The following PDGFRB variants were observed in gnomAD, a reference collection of about 807,000 sequenced individuals.
The protein encoded by PDGFRB is platelet-derived growth factor receptor beta.
A neutral mutation model predicts 120.2 loss-of-function variants in PDGFRB; 42 were observed. The ratio of observed to expected loss-of-function variants is 0.35; its 90% CI spans 0.27 to 0.45. PDGFRB has a LOEUF of 0.45. Ranked by LOEUF, PDGFRB falls within the 20% of genes least tolerant of loss-of-function variation. The pLI, the probability that PDGFRB is intolerant of heterozygous loss-of-function variation, is 1.00. For synonymous variants in PDGFRB, 586 were observed against 606.8 expected, an observed-to-expected ratio of 0.97 and a Z score of 0.50; for missense variants, 1,149 against 1,476.3, an observed-to-expected ratio of 0.78 and a Z score of 3.63.
chr5:150,131,999 G>C lies in PDGFRB; in HGVS notation c.1223C>G (p.Ser408Cys), dbSNP rs200203294. Residue 408 changes from serine to cysteine, a missense_variant, in exon 8 of 23, where the codon TCC (serine) becomes TGC (cysteine). Physicochemically the swap from Ser to Cys is moderately radical, Grantham distance 112 (BLOSUM62 -1). Coordinates refer to ENST00000261799, the MANE Select transcript of PDGFRB (RefSeq NM_002609.4). Reference sequence around the variant, plus strand: ...ATCACCATTGATCTGTAGCTGGAAGGAGAGCTGGACCTCAGCATCCTCATG... The same window carrying C: ...ATCACCATTGATCTGTAGCTGGAAGCAGAGCTGGACCTCAGCATCCTCATG... ...AFHEDAEVQL[S>C]FQLQINVPVR... 726 of 1,591,560 alleles carry C rather than the reference G, an allele frequency of 4.6e-4. 3 individuals carry two copies. Among genetic ancestry groups the C allele is most frequent in the South Asian group, 3.7e-3 (338 of 90,522 alleles).
chr5:150,144,650 C>T (rs2113924670), intron 1 of PDGFRB, among the ~76,000 whole-genome samples: 1 of 152,350 alleles, frequency 6.6e-6, no homozygotes, highest in South Asian at 2.1e-4. Flanking sequence ...ATGCGGCTGG[C>T]TACTTGGAAC....
chr5:150,130,484 G>A lies in PDGFRB; in HGVS notation c.1367+55C>T, dbSNP rs201139262. On this transcript the variant is annotated intron_variant, in intron 9 of 22. Coordinates refer to ENST00000261799, the MANE Select transcript of PDGFRB (RefSeq NM_002609.4). ...ACGGGCGGGACTAGATAACCTTCACGAGCTTTTTCTAGCCAGCTGGGGACA... is the reference window on the plus strand; with the variant it reads ...ACGGGCGGGACTAGATAACCTTCACAAGCTTTTTCTAGCCAGCTGGGGACA... 7.1e-4 allele frequency: 1,125 copies of A among 1,576,554 alleles called. 7 individuals carry two copies. The South Asian group carries it at 8.0e-3, about 11-fold the overall frequency.
At chr5:150,142,852 CTT>C (rs779874802) in intron 1 of PDGFRB, among the ~76,000 whole-genome samples, 51 of 152,152 alleles carry the variant, frequency 3.4e-4, no homozygotes, top group Non-Finnish European at 5.6e-4. Flanking sequence ...TGTTCTCTCT[CTT>C]AAAATATCTT....
intron 1 of PDGFRB, among the ~76,000 whole-genome samples, chr5:150,151,368 CTGGAA>C (rs1336304457): frequency 7.9e-5 from 12 of 152,196 alleles, no homozygotes; most frequent in Admixed American, 7.9e-4. Context: ...ATGACTACCT[CTGGAA>C]TGCTGAGGGC....
intron 8 of PDGFRB, among the ~76,000 whole-genome samples, chr5:150,131,596 T>G (rs898756138): frequency 6.6e-6 from 1 of 152,198 alleles, no homozygotes; most frequent in African/African-American, 2.4e-5. Flanking sequence ...CTTCCCCTAC[T>G]TGGATGCAAG....
In PDGFRB at chr5:150,123,154, C is replaced by T. The variant is rs766665377; in HGVS notation, c.2071G>A (p.Asp691Asn). ...GTGTGTTTGTTGCGGTGCAGGTAGT[C>T]CACCAGGTCTCCGTAGCGGCAGTAC... The part of the protein sequence containing the change: ...TEYCRYGDLV[D>N]YLHRNKHTFL... Residue 691 changes from aspartate to asparagine, a missense_variant, in exon 15 of 23, where the codon GAC becomes AAC. This residue lies in a region of PDGFRB where 879 missense variants were observed against 1,108.6 expected (regional missense o/e 0.79). Transcript: ENST00000261799. 6.2e-7 allele frequency: 1 copy of T among 1,613,648 alleles called. No homozygotes were observed. The highest frequency in any genetic ancestry group is 8.5e-7 in the Non-Finnish European group (1 of 1,179,668).
At position 150,132,148 on chromosome 5, in the gene PDGFRB, C is replaced by T; in HGVS notation, c.1128-54G>A. On this transcript the variant is annotated intron_variant, in intron 7 of 22. Transcript: ENST00000261799. The surrounding 1 kb of genome is among the most constrained non-coding windows in gnomAD (Gnocchi z 5.0). ...GTCGGAAGGACTCTTACAGTTCTCC[C>T]CACCCTCCTGGTATAAAGAGGAACA... The T allele has an allele frequency of 2.1e-6, 2 of 941,602 alleles. No homozygotes were observed. The highest frequency in any genetic ancestry group is 3.5e-6 in the Non-Finnish European group (2 of 577,102). The allele number at this position is 941,602 out of a possible 1,614,324, so 58.3% of individuals were successfully genotyped here.
intron 4 of PDGFRB, among the ~76,000 whole-genome samples, chr5:150,134,311 T>C (rs909462776): frequency 6.6e-6 from 1 of 152,172 alleles, no homozygotes; most frequent in African/African-American, 2.4e-5. Flanking sequence ...ATTGAGCACA[T>C]AACATGTGCC....
chr5:150,149,692 C>G (rs1419030727), intron 1 of PDGFRB, among the ~76,000 whole-genome samples: 3 of 152,214 alleles, frequency 2.0e-5, no homozygotes, highest in Non-Finnish European at 4.4e-5. Context: ...GCACCTTTAC[C>G]TTCAATGCTC....
rs1398920089 is a variant in PDGFRB at position 150,121,574 on chromosome 5, G to T, written c.2345-252C>A. Among the ~76,000 whole-genome samples, 1 of 152,192 alleles carries T rather than the reference G, an allele frequency of 6.6e-6. No individual in the cohort carries two copies. The highest frequency in any genetic ancestry group is 1.5e-5 in the Non-Finnish European group (1 of 68,042). On this transcript the variant is annotated intron_variant, in intron 16 of 22. Coordinates refer to ENST00000261799, the MANE Select transcript of PDGFRB (RefSeq NM_002609.4). This position sits in a 1 kb window ranked among gnomAD's most constrained non-coding sequence, Gnocchi z 4.1. ...CCTGGCCTGCCTGCCTGCCTCTCAG[G>T]GACACTAGACCAGCCTGGGGCTGAA... is the stretch of plus-strand genomic sequence containing the variant.
chr5:150,147,728 CCT>C (rs937199527), intron 1 of PDGFRB, among the ~76,000 whole-genome samples: 30 of 152,204 alleles, frequency 2.0e-4, no homozygotes, highest in African/African-American at 6.3e-4. Flanking sequence ...TCCTCCCACC[CCT>C]GTCTTCGGTC....
intron 2 of PDGFRB, 42 bp from the exon 3 acceptor site, chr5:150,135,920 C>A: frequency 7.2e-7 from 1 of 1,398,156 alleles, no homozygotes; most frequent in Non-Finnish European, 9.7e-7. Flanking sequence ...ACAGGGGCTT[C>A]AGCACCTCTC....
chr5:150,148,275 C>A (rs1208756261), intron 1 of PDGFRB, among the ~76,000 whole-genome samples: 3 of 152,248 alleles, frequency 2.0e-5, no homozygotes, highest in Non-Finnish European at 2.9e-5. Flanking sequence ...ACGATCTGGA[C>A]TCTCTTCAAC....
chr5:150,125,313 G>A (rs1760262952), intron 12 of PDGFRB, 132 bp downstream of exon 12: 1 of 677,486 alleles, frequency 1.5e-6, no homozygotes, highest in African/African-American at 1.8e-5. Flanking sequence ...GTAGGAGATG[G>A]AGGGCCAGAG....
In PDGFRB at chr5:150,120,174, A is replaced by AC; in HGVS notation, c.2587-52dup. The AC allele has an allele frequency of 1.2e-6, 1 of 815,350 alleles. No individual in the cohort carries two copies. Among genetic ancestry groups the AC allele is most frequent in the Non-Finnish European group, 2.2e-6 (1 of 452,628 alleles). The allele number at this position is 815,350 out of a possible 1,614,324, so 50.5% of individuals were successfully genotyped here. On this transcript the variant is annotated intron_variant, in intron 18 of 22. Transcript: ENST00000261799. The surrounding 1 kb of genome is among the most constrained non-coding windows in gnomAD (Gnocchi z 4.3). ...GAGTGCAAGGAAGGACCTCAGCCCC[A>AC]CTCTGCACCTGGGATGGGAGGAGGG...
In PDGFRB at chr5:150,130,558, C is replaced by T. The variant is rs1231850359; in HGVS notation, c.1348G>A (p.Ala450Thr). The change falls in exon 9 of 23, where the codon GCC (alanine) becomes ACC (threonine). Residue 450 changes from alanine (A) to threonine (T), a missense_variant. Ala to Thr is a moderately conservative substitution (Grantham distance 58). Coordinates refer to ENST00000261799, the MANE Select transcript of PDGFRB (RefSeq NM_002609.4). ...GCTCACCTTTTGAGGTCTCTGCAGG[C>T]AGACCAGATGATGTTCGGCTGGGGC... is the stretch of plus-strand genomic sequence containing the variant. ...GMPQPNIIWS[A>T]CRDLKRCPRE... 5 of 1,613,020 alleles carry T rather than the reference C, an allele frequency of 3.1e-6. No homozygotes were observed. The South Asian group carries it at 5.5e-5, about 18-fold the overall frequency.
intron 21 of PDGFRB, 115 bp from the exon 22 acceptor site, chr5:150,117,965 G>A: frequency 3.1e-6 from 2 of 646,098 alleles, no homozygotes; most frequent in Non-Finnish European, 5.6e-6. Context: ...CCGCTGCTCA[G>A]AGGGGAAAGG....
Position 150,114,940 on chromosome 5 carries a change from C to T in PDGFRB, c.*823G>A, listed in dbSNP as rs1379645328. On this transcript the variant is annotated 3_prime_UTR_variant, in exon 23 of 23. Transcript: ENST00000261799. ...TGGCCACTCCACACTGGCACATTTA[C>T]ATTCTCATCACAGATGCGGGGCCCG... 2 of 233,176 alleles carry T rather than the reference C, an allele frequency of 8.6e-6. No homozygotes were observed. Among genetic ancestry groups the T allele is most frequent in the African/African-American group, 4.4e-5 (2 of 45,336 alleles). The allele number at this position is 233,176 out of a possible 1,614,324, so 14.4% of individuals were successfully genotyped here. A position where few individuals can be genotyped will look rare whatever the true frequency, so the allele number is the denominator to read the frequency against.
At chr5:150,145,177 A>C (rs1473601157) in intron 1 of PDGFRB, among the ~76,000 whole-genome samples, 1 of 152,152 alleles carries the variant, frequency 6.6e-6, no homozygotes, top group African/African-American at 2.4e-5. Context: ...TCAGTGATCT[A>C]CTTCCACTTA....
Sources: gnomAD v4.1 joint callset for allele counts (sites outside exome capture counted in the v4.1 genomes callset) on GRCh38, gnomAD v4.1.1 for gene constraint, gnomAD v4.1.1 regional missense constraint, Gnocchi (gnomAD v3.1) non-coding constraint, MANE v1.5 for transcripts, NCBI Gene and HGNC (gene_info 2026-07-23, HGNC 2026-07-21) for gene names.